The following MGAT4C variants were observed in gnomAD, a reference collection of about 807,000 sequenced individuals.
The protein encoded by MGAT4C is alpha-1,3-mannosyl-glycoprotein 4-beta-N-acetylglucosaminyltransferase C.
MGAT4C carries 19 observed loss-of-function variants against 40.1 expected under a neutral mutation model. The ratio of observed to expected loss-of-function variants is 0.47; its 90% CI spans 0.33 to 0.70. The LOEUF (loss-of-function observed/expected upper bound fraction) is 0.70, where lower values mean the gene tolerates loss of function less well. Among genes scored for constraint, MGAT4C ranks in the 30% least tolerant of loss-of-function variants. The probability of loss-of-function intolerance (pLI) is 0.02; values close to 1 mark genes in which losing one functional copy is unlikely to be tolerated. For missense variants in MGAT4C, 491 were observed against 563.2 expected (o/e 0.87, Z 1.30); for synonymous variants, 181 against 187.1 (o/e 0.97, Z 0.27).
rs1334578995 is a variant in MGAT4C, at chr12:86,645,251, G to T, written c.-229+81958C>A. 2.6e-5 allele frequency among the ~76,000 whole-genome samples: 4 copies of T among 151,720 alleles called. No homozygotes were observed. In the East Asian group the frequency reaches 7.8e-4, roughly 30 times the overall value. The stretch of plus-strand genomic sequence containing the variant: ...TTAGCAGTGCATATTTCTGGGTATT[G>T]GCCTGGGATGGAAGAGGCTAGCAGG... On this transcript the variant is annotated intron_variant, in intron 2 of 7. Coordinates refer to the MGAT4C transcript ENST00000548651.
At chr12:86,394,167 A>G (rs934683155) in intron 3 of MGAT4C, among the ~76,000 whole-genome samples, 1 of 152,200 alleles carries the variant, frequency 6.6e-6, no homozygotes, top group African/African-American at 2.4e-5. Context: ...GGATTACTGA[A>G]TCAACTTGGG....
chr12:86,132,530 A>C (rs1473925578), intron 1 of MGAT4C, among the ~76,000 whole-genome samples: 1 of 152,184 alleles, frequency 6.6e-6, no homozygotes, highest in Non-Finnish European at 1.5e-5. Flanking sequence ...GCGGTGGCTC[A>C]CGCCTGTAAT....
intron 2 of MGAT4C, among the ~76,000 whole-genome samples, chr12:86,559,263 T>C (rs946215431): frequency 1.3e-5 from 2 of 151,964 alleles, no homozygotes; most frequent in South Asian, 2.1e-4. Flanking sequence ...AGATTAGGTA[T>C]GCAAAATATT....
chr12:86,223,414 G>A (rs1440523620), intron 1 of MGAT4C, among the ~76,000 whole-genome samples: 1 of 152,138 alleles, frequency 6.6e-6, no homozygotes, highest in Admixed American at 6.5e-5. Flanking sequence ...GGGAGGCCAG[G>A]CACTTTCACA....
At chr12:86,293,057 G>A (rs562451898) in intron 4 of MGAT4C, among the ~76,000 whole-genome samples, 4 of 152,172 alleles carry the variant, frequency 2.6e-5, no homozygotes, top group South Asian at 2.1e-4. Flanking sequence ...TGTTCTAAAC[G>A]TTAGTACGAC....
intron 1 of MGAT4C, among the ~76,000 whole-genome samples, chr12:86,132,042 T>C (rs61932266): frequency 0.075 from 11,454 of 152,230 alleles, 590 homozygotes; most frequent in Middle Eastern, 0.21. Context: ...GGTAAGAATT[T>C]AGTCTCTCTC....
chr12:86,054,725 C>A (rs920853069), intron 1 of MGAT4C, among the ~76,000 whole-genome samples: 25 of 150,682 alleles, frequency 1.7e-4, no homozygotes, highest in Non-Finnish European at 3.3e-4. Context: ...CTTAAAAAAA[C>A]AAAATAAAAC....
intron 2 of MGAT4C, among the ~76,000 whole-genome samples, chr12:86,557,879 A>G (rs1344638613): frequency 1.3e-5 from 2 of 152,140 alleles, no homozygotes; most frequent in Non-Finnish European, 2.9e-5. Context: ...TCCTAATGGA[A>G]AGGAAATATA....
intron 1 of MGAT4C, among the ~76,000 whole-genome samples, chr12:86,050,258 T>C (rs1388851949): frequency 6.6e-6 from 1 of 151,992 alleles, no homozygotes; most frequent in Non-Finnish European, 1.5e-5. Flanking sequence ...CAGTATAAAT[T>C]CATTGCCTGG....
In MGAT4C at chr12:86,750,010, T is replaced by C. The variant is rs181032466; in HGVS notation, c.-261-22769A>G. Among the ~76,000 whole-genome samples, 228 of 151,976 alleles carry C rather than the reference T, an allele frequency of 1.5e-3. 1 individual carries two copies. Among genetic ancestry groups the C allele is most frequent in the Non-Finnish European group, 2.8e-3 (192 of 67,860 alleles). ...AGCATAGTAGGAATCAATGTATTTG[T>C]TGGATTGTTGATTTTATCTCCCTAG... On this transcript the variant is annotated intron_variant, in intron 1 of 7. Coordinates refer to the MGAT4C transcript ENST00000548651.
At chr12:86,090,076 A>G (rs1203825797) in intron 1 of MGAT4C, among the ~76,000 whole-genome samples, 1 of 151,652 alleles carries the variant, frequency 6.6e-6, no homozygotes, top group Non-Finnish European at 1.5e-5. Flanking sequence ...TGAATATACA[A>G]TTATAATATA....
intron 2 of MGAT4C, among the ~76,000 whole-genome samples, chr12:86,683,783 G>A (rs563802830): frequency 5.3e-5 from 8 of 151,964 alleles, no homozygotes; most frequent in Non-Finnish European, 7.4e-5. Context: ...CATGATAAAC[G>A]TTTGTGTCCT....
At chr12:86,236,621 AT>A (rs1951561088) in intron 1 of MGAT4C, among the ~76,000 whole-genome samples, 1 of 152,004 alleles carries the variant, frequency 6.6e-6, no homozygotes, top group African/African-American at 2.4e-5. Flanking sequence ...AACACATAGA[AT>A]GCTTCTTTAT....
intron 1 of MGAT4C, among the ~76,000 whole-genome samples, chr12:86,141,397 AT>A (rs771914630): frequency 4.6e-5 from 7 of 152,236 alleles, no homozygotes; most frequent in Non-Finnish European, 8.8e-5. Flanking sequence ...AATAACTTAG[AT>A]GAAAATGAAA....
chr12:86,630,066 G>A (rs1385813066), intron 2 of MGAT4C, among the ~76,000 whole-genome samples: 2 of 152,016 alleles, frequency 1.3e-5, no homozygotes, highest in Non-Finnish European at 2.9e-5. Context: ...AATGATAAAA[G>A]GGATATCACC....
intron 1 of MGAT4C, among the ~76,000 whole-genome samples, chr12:86,782,290 T>C (rs1951860430): frequency 7.0e-6 from 1 of 142,520 alleles, no homozygotes; most frequent in South Asian, 2.4e-4. Context: ...CACGCCATTC[T>C]CCTGCCTCAG....
intron 2 of MGAT4C, among the ~76,000 whole-genome samples, chr12:86,521,577 T>A (rs1958795532): frequency 6.6e-6 from 1 of 152,002 alleles, no homozygotes; most frequent in African/African-American, 2.4e-5. Context: ...TGTTTGTTTG[T>A]CTTTTTGGTT....
intron 2 of MGAT4C, among the ~76,000 whole-genome samples, chr12:86,716,747 T>C (rs1234065707): frequency 1.3e-5 from 2 of 152,118 alleles, no homozygotes; most frequent in African/African-American, 4.8e-5. Flanking sequence ...ATACATGCCT[T>C]ATAATAGGGA....
In MGAT4C at chr12:86,023,954, T is replaced by C. The variant is rs981581658; in HGVS notation, c.-7+25720A>G. Among the ~76,000 whole-genome samples, 4 of 151,836 alleles carry C rather than the reference T, an allele frequency of 2.6e-5. 1 individual carries two copies. Among genetic ancestry groups the C allele is most frequent in the Admixed American group, 2.6e-4 (4 of 15,210 alleles). On this transcript the variant is annotated intron_variant, in intron 2 of 4. Coordinates refer to ENST00000611864, the MANE Select transcript of MGAT4C (RefSeq NM_001351288.2). ...TAATATGTATCAAAAAACCTCCACA[T>C]ATTATCTTGCATCTAAGACCTCTAA...
Sources: gnomAD v4.1 joint callset for allele counts (sites outside exome capture counted in the v4.1 genomes callset) on GRCh38, gnomAD v4.1.1 for gene constraint, MANE v1.5 for transcripts, NCBI Gene and HGNC (gene_info 2026-07-23, HGNC 2026-07-21) for gene names.